Variants in TSPO observed in about 807,000 individuals in gnomAD.
TSPO encodes the protein benzodiazepine peripheral binding site.
TSPO carries 14 observed loss-of-function variants against 13.9 expected under a neutral mutation model. That is an observed-to-expected ratio of 1.01 (90% CI 0.67 to 1.58). The LOEUF is 1.58. Ranked by LOEUF, TSPO falls within the 40% of genes most tolerant of loss-of-function variation. The pLI is 0.00. For missense variants in TSPO, 232 were observed against 229.6 expected, an observed-to-expected ratio of 1.01 and a Z score of -0.07; for synonymous variants, 114 against 105.9, an observed-to-expected ratio of 1.08 and a Z score of -0.47.
chr22:43,163,070 G>A lies in TSPO; in HGVS notation c.*79G>A. The A allele has an allele frequency of 6.4e-7, 1 of 1,550,888 alleles. No homozygotes were observed. Among genetic ancestry groups the A allele is most frequent in the Non-Finnish European group, 8.7e-7 (1 of 1,148,118 alleles). Reference sequence around the variant, plus strand: ...GATGTGGTGGCCGTCACGCTTTCATGACCACTGGGCCTGCTAGTCTGTCAG... The same window carrying A: ...GATGTGGTGGCCGTCACGCTTTCATAACCACTGGGCCTGCTAGTCTGTCAG... On this transcript the variant is annotated 3_prime_UTR_variant, in exon 4 of 4. Transcript: ENST00000337554.
At chr22:43,160,922 A>T in intron 2 of TSPO, 130 bp from the exon 3 acceptor site, 1 of 1,220,224 alleles carries the variant, frequency 8.2e-7, no homozygotes, top group Non-Finnish European at 1.1e-6. Flanking sequence ...CAGACAGGTC[A>T]AGCAACTTCC....
At position 43,161,794 on chromosome 22, in the gene TSPO, G is replaced by A. The variant is rs191781447; in HGVS notation, c.321+604G>A. On this transcript the variant is annotated intron_variant, in intron 3 of 3. Transcript: ENST00000337554. ...TGGGATTACAGGTGTAAGCCACCGCGCCCGGCTGACTGCTTCTTTTTTAAA... is the reference window on the plus strand; with the variant it reads ...TGGGATTACAGGTGTAAGCCACCGCACCCGGCTGACTGCTTCTTTTTTAAA... Among the ~76,000 whole-genome samples the A allele has an allele frequency of 9.6e-4, 146 of 152,022 alleles. No homozygotes were observed. The Middle Eastern group carries it at 0.02, about 21-fold the overall frequency.
chr22:43,162,803 G>C lies in TSPO; in HGVS notation c.322G>C (p.Ala108Pro). ...IFFGARQMGW[A>P]LVDLLLVSGA... ...ATCCTCCGTCCCCCAATCTCTGCAG[G>C]CCTTGGTGGATCTCCTGCTGGTCAG... The change falls in exon 4 of 4, where the codon GCC becomes CCC. Residue 108 changes from alanine to proline, a missense_variant and splice_region_variant. By Grantham distance (27) the Ala-to-Pro change is conservative (BLOSUM62 -1). Transcript: ENST00000337554. 1 of 1,578,720 alleles carries C rather than the reference G, an allele frequency of 6.3e-7. No individual in the cohort carries two copies. Among genetic ancestry groups the C allele is most frequent in the Non-Finnish European group, 8.6e-7 (1 of 1,163,476 alleles).
intron 1 of TSPO, among the ~76,000 whole-genome samples, chr22:43,153,154 G>C (rs1601752882): frequency 3.3e-5 from 2 of 61,260 alleles, no homozygotes; most frequent in Non-Finnish European, 6.4e-5. Context: ...TTCCTTTCTT[G>C]TTTTTGTTTG....
At position 43,162,278 on chromosome 22, in the gene TSPO, C is replaced by A. The variant is rs143835533; in HGVS notation, c.322-525C>A. 3.9e-5 allele frequency among the ~76,000 whole-genome samples: 6 copies of A among 152,272 alleles called. No individual in the cohort carries two copies. The East Asian group carries it at 1.2e-3, about 29-fold the overall frequency. ...CTGGGACTACAGGCACGTGCTACCA[C>A]GCCTGGCTAATTTTTTTATTTTTAG... On this transcript the variant is annotated intron_variant, in intron 3 of 3. Transcript: ENST00000337554.
intron 1 of TSPO, among the ~76,000 whole-genome samples, chr22:43,157,456 C>G (rs181983635): frequency 4.6e-5 from 7 of 152,014 alleles, no homozygotes; most frequent in African/African-American, 1.7e-4. Flanking sequence ...ATTCAACAGG[C>G]GAGAAAACTG....
In TSPO at chr22:43,159,417, T is replaced by C. The variant is rs1931362706; in HGVS notation, c.179T>C (p.Met60Thr). Residue 60 changes from methionine (M) to threonine (T), a missense_variant, in exon 2 of 4, where the codon ATG becomes ACG. By Grantham distance (81) the Met-to-Thr change is moderately conservative (BLOSUM62 -1). Coordinates refer to ENST00000337554, the MANE Select transcript of TSPO (RefSeq NM_000714.6). ...GPVWGTLYSA[M>T]GYGSYLVWKE... ...GTCTGGGGCACGCTCTACTCAGCCA[T>C]GGGGTAGGTGGGCGTGCACTGGCCT... 1.3e-6 allele frequency: 2 copies of C among 1,513,700 alleles called. No individual in the cohort carries two copies. The highest frequency in any genetic ancestry group is 1.8e-6 in the Non-Finnish European group (2 of 1,130,514). 93.8% of individuals were successfully genotyped at this position (1,513,700 alleles called of 1,614,324 possible).
At chr22:43,152,642 G>A (rs1000496175) in intron 1 of TSPO, among the ~76,000 whole-genome samples, 1 of 152,264 alleles carries the variant, frequency 6.6e-6, no homozygotes, top group African/African-American at 2.4e-5. Flanking sequence ...GCAGGGGAAG[G>A]CGGCCCCTGA....
intron 3 of TSPO, among the ~76,000 whole-genome samples, chr22:43,161,797 C>T (rs1010135638): frequency 4.6e-5 from 7 of 152,080 alleles, no homozygotes; most frequent in Middle Eastern, 3.4e-3. Context: ...CCACCGCGCC[C>T]GGCTGACTGC....
At chr22:43,159,696 T>C (rs1931372379) in intron 2 of TSPO, 1 of 393,966 alleles carries the variant, frequency 2.5e-6, no homozygotes, top group East Asian at 3.8e-5. Flanking sequence ...TGTGTGAAGG[T>C]TGGTCTTGGG....
chr22:43,159,612 G>GA, intron 2 of TSPO, 192 bp downstream of exon 2: 1 of 559,026 alleles, frequency 1.8e-6, no homozygotes, highest in Non-Finnish European at 2.9e-6. Context: ...TGGGCCCCTG[G>GA]GGGGATGGGT....
intron 1 of TSPO, among the ~76,000 whole-genome samples, chr22:43,158,611 G>A (rs1443562504): frequency 5.3e-5 from 8 of 152,136 alleles, no homozygotes; most frequent in Admixed American, 3.3e-4. Context: ...ACTGGGGCCC[G>A]TGTGGGGTGC....
At chr22:43,155,094 C>T (rs1428806733) in intron 1 of TSPO, among the ~76,000 whole-genome samples, 1 of 151,980 alleles carries the variant, frequency 6.6e-6, no homozygotes, top group South Asian at 2.1e-4. Context: ...CCAGAGCAGC[C>T]CGGCAGACAC....
rs1931431989 is a variant in TSPO at position 43,161,334 on chromosome 22, C to T, written c.321+144C>T. ...TGTCTCTCTAGCTGTAAGCAGCCCA[C>T]ACCCTGGAGCCTCCCCTCTACTGAC... On this transcript the variant is annotated intron_variant, in intron 3 of 3. Transcript: ENST00000337554. 6 of 1,222,314 alleles carry T rather than the reference C, an allele frequency of 4.9e-6. No individual in the cohort carries two copies. In the East Asian group the frequency reaches 1.3e-4, roughly 26 times the overall value. 75.7% of individuals were successfully genotyped at this position (1,222,314 alleles called of 1,614,324 possible).
intron 2 of TSPO, among the ~76,000 whole-genome samples, chr22:43,160,115 C>T (rs1931388098): frequency 6.6e-6 from 1 of 152,152 alleles, no homozygotes; most frequent in Non-Finnish European, 1.5e-5. Context: ...GGCCAGGTGC[C>T]CGGCTCTGAT....
chr22:43,154,283 CG>C (rs987258419), intron 1 of TSPO, among the ~76,000 whole-genome samples: 19 of 150,814 alleles, frequency 1.3e-4, no homozygotes, highest in Middle Eastern at 3.4e-3. Context: ...AGCTGGGGGT[CG>C]GGGTGGGGAT....
chr22:43,152,526 C>A (rs763598359), intron 1 of TSPO, among the ~76,000 whole-genome samples: 9 of 152,268 alleles, frequency 5.9e-5, no homozygotes, highest in African/African-American at 2.2e-4. Flanking sequence ...CGAGGCCCGG[C>A]GTCTCTGTGG....
Position 43,159,439 on chromosome 22 carries a change from G to A in TSPO, c.182+19G>A, listed in dbSNP as rs930733534. 1 of 1,483,192 alleles carries A rather than the reference G, an allele frequency of 6.7e-7. No homozygotes were observed. The highest frequency in any genetic ancestry group is 9.0e-7 in the Non-Finnish European group (1 of 1,115,202). The allele number at this position is 1,483,192 out of a possible 1,614,324, so 91.9% of individuals were successfully genotyped here. A position where few individuals can be genotyped will look rare whatever the true frequency, so the allele number is the denominator to read the frequency against. ...CCATGGGGTAGGTGGGCGTGCACTG[G>A]CCTGGGGATAAGCCTGGCCCTTTGC... On this transcript the variant is annotated intron_variant, in intron 2 of 3. Coordinates refer to ENST00000337554, the MANE Select transcript of TSPO (RefSeq NM_000714.6).
At position 43,152,526 on chromosome 22, in the gene TSPO, C is replaced by T. The variant is rs763598359; in HGVS notation, c.-30+922C>T. On this transcript the variant is annotated intron_variant, in intron 1 of 3. Coordinates refer to ENST00000337554, the MANE Select transcript of TSPO (RefSeq NM_000714.6). ...TGCCAGAACAGTGGGCGAGGCCCGG[C>T]GTCTCTGTGGAGTCGGTGGGGCCCG... 3.5e-4 allele frequency among the ~76,000 whole-genome samples: 54 copies of T among 152,268 alleles called. 1 individual carries two copies. Among genetic ancestry groups the T allele is most frequent in the Non-Finnish European group, 8.8e-5 (6 of 68,044 alleles).
Sources: gnomAD v4.1 joint callset for allele counts (sites outside exome capture counted in the v4.1 genomes callset) on GRCh38, gnomAD v4.1.1 for gene constraint, MANE v1.5 for transcripts, NCBI Gene and HGNC (gene_info 2026-07-23, HGNC 2026-07-21) for gene names.